Variants in ARHGEF4 observed in about 807,000 individuals in gnomAD.
The protein encoded by ARHGEF4 is Rho guanine nucleotide exchange factor 4.
In ARHGEF4, 119 loss-of-function variants were observed where a neutral mutation model predicts 162.0. The ratio of observed to expected loss-of-function variants is 0.73; its 90% CI spans 0.63 to 0.86. The LOEUF is 0.86. Ranked by LOEUF, ARHGEF4 falls within the 40% of genes least tolerant of loss-of-function variation. The pLI, the probability that ARHGEF4 is intolerant of heterozygous loss-of-function variation, is 0.00. For missense variants in ARHGEF4, 2,488 were observed against 2,456.0 expected (o/e 1.01, Z -0.28); for synonymous variants, 1,014 against 979.9 (o/e 1.03, Z -0.65).
At chr2:130,882,454 G>T (rs1386112274) in intron 1 of ARHGEF4, among the ~76,000 whole-genome samples, 1 of 152,074 alleles carries the variant, frequency 6.6e-6, no homozygotes, top group Non-Finnish European at 1.5e-5. Context: ...CACGTGGTGG[G>T]AGGGGTGAGT....
intron 1 of ARHGEF4, among the ~76,000 whole-genome samples, chr2:130,901,523 CT>C (rs113416794): frequency 0.15 from 22,066 of 144,136 alleles, 2,556 homozygotes; most frequent in African/African-American, 0.34. Flanking sequence ...AGCCCATATT[CT>C]TTTTTTTTTT....
chr2:130,866,096 C>T (rs1006026045), intron 1 of ARHGEF4, among the ~76,000 whole-genome samples: 1 of 152,084 alleles, frequency 6.6e-6, no homozygotes, highest in Admixed American at 6.6e-5. Context: ...TCTGGCTGGG[C>T]TCAGTTGCTC....
chr2:131,002,096 C>A (rs1687806625), intron 4 of ARHGEF4, among the ~76,000 whole-genome samples: 1 of 152,198 alleles, frequency 6.6e-6, no homozygotes, highest in Admixed American at 6.5e-5. Context: ...TACTGAGAAT[C>A]TACTGGCTGC....
In ARHGEF4 at chr2:130,917,823, C is replaced by CT. The variant is rs72157600; in HGVS notation, c.3552+342dup. 3.7e-3 allele frequency among the ~76,000 whole-genome samples: 391 copies of CT among 106,940 alleles called. 3 individuals are homozygous for CT. The highest frequency in any genetic ancestry group is 6.6e-3 in the South Asian group (22 of 3,322). 70.2% of individuals were successfully genotyped at this position (106,940 alleles called of 152,430 possible). On this transcript the variant is annotated intron_variant, in intron 2 of 13. Transcript: ENST00000409359. ...TCTTTTCTTTTCTTTTTCTTTTTTT[C>CT]TTTTTTTTTTTTTTTTTGAGACGGA...
At chr2:131,031,811 T>C (rs9646658) in intron 5 of ARHGEF4, among the ~76,000 whole-genome samples, 12,517 of 152,154 alleles carry the variant, frequency 0.082, 715 homozygotes, top group African/African-American at 0.17. Context: ...CCCCCTTGAC[T>C]CTCTTGGGCT....
intron 5 of ARHGEF4, chr2:131,035,369 C>T: frequency 3.0e-6 from 3 of 1,010,100 alleles, no homozygotes; most frequent in Non-Finnish European, 2.5e-6. Context: ...CCTCCTTCCA[C>T]CCCATGTGCT....
chr2:130,931,302 C>T (rs1273646250), intron 3 of ARHGEF4, 45 bp downstream of exon 3: 5 of 1,519,766 alleles, frequency 3.3e-6, no homozygotes, highest in Admixed American at 4.1e-5. Context: ...GTCTGGTATC[C>T]CCTTCTCTCT....
At chr2:130,899,303 A>G (rs560143030) in intron 1 of ARHGEF4, among the ~76,000 whole-genome samples, 12 of 152,342 alleles carry the variant, frequency 7.9e-5, no homozygotes, top group African/African-American at 2.6e-4. Flanking sequence ...TTCAAGGATC[A>G]TGGGGGAATG....
chr2:130,915,387 A>G lies in ARHGEF4; in HGVS notation c.1441A>G (p.Arg481Gly), dbSNP rs1481963180. 1 of 1,550,648 alleles carries G rather than the reference A, an allele frequency of 6.4e-7. No homozygotes were observed. The highest frequency in any genetic ancestry group is 2.0e-5 in the Admixed American group (1 of 51,004). ...QEPQGTQLAP[R>G]AADERETQKH... is the part of the protein sequence containing the mutation. ...ACCCCAAGGCACCCAACTCGCACCA[A>G]GAGCTGCTGATGAGAGAGAGACACA... is the stretch of plus-strand genomic sequence containing the variant. The change falls in exon 2 of 14, where the codon AGA becomes GGA. Residue 481 changes from arginine to glycine, a missense_variant. Physicochemically the swap from Arg to Gly is moderately radical, Grantham distance 125 (BLOSUM62 -2). Transcript: ENST00000409359.
chr2:130,918,882 CA>C (rs1392782026), intron 2 of ARHGEF4, among the ~76,000 whole-genome samples: 1 of 152,098 alleles, frequency 6.6e-6, no homozygotes, highest in East Asian at 1.9e-4. Flanking sequence ...AGTTTAAAAA[CA>C]AAGCCAAACA....
intron 1 of ARHGEF4, among the ~76,000 whole-genome samples, chr2:130,849,428 G>A (rs947769189): frequency 6.6e-6 from 1 of 152,096 alleles, no homozygotes; most frequent in Non-Finnish European, 1.5e-5. Context: ...CTGTGAGGTG[G>A]GATGGCAGCC....
chr2:130,891,131 G>A (rs1679840034), intron 1 of ARHGEF4, among the ~76,000 whole-genome samples: 1 of 152,154 alleles, frequency 6.6e-6, no homozygotes, highest in Admixed American at 6.5e-5. Flanking sequence ...ATGGAACTAA[G>A]ATTTAAGTCT....
intron 4 of ARHGEF4, among the ~76,000 whole-genome samples, chr2:130,968,381 C>G (rs1685137376): frequency 6.6e-6 from 1 of 152,188 alleles, no homozygotes; most frequent in South Asian, 2.1e-4. Context: ...GGAGGCTCTC[C>G]CTGAGGCCTA....
At chr2:130,971,475 T>A (rs1373452558) in intron 4 of ARHGEF4, among the ~76,000 whole-genome samples, 1 of 152,016 alleles carries the variant, frequency 6.6e-6, no homozygotes, top group Non-Finnish European at 1.5e-5. Flanking sequence ...CTGACCAACA[T>A]GGTGAAACCC....
At chr2:130,905,157 A>G (rs1039682593) in intron 1 of ARHGEF4, among the ~76,000 whole-genome samples, 3 of 152,160 alleles carry the variant, frequency 2.0e-5, no homozygotes, top group Admixed American at 1.3e-4. Flanking sequence ...ATGCTCTTTA[A>G]TTATAGAATA....
intron 4 of ARHGEF4, among the ~76,000 whole-genome samples, chr2:130,982,645 A>G (rs1006789895): frequency 7.4e-6 from 1 of 135,134 alleles, no homozygotes; most frequent in Non-Finnish European, 1.5e-5. Context: ...ATTTTACTGT[A>G]GGCCAAAAGA....
rs542829569 is a variant in ARHGEF4 at position 131,046,933 on chromosome 2, C to G, written c.*744C>G. On this transcript the variant is annotated 3_prime_UTR_variant, in exon 14 of 14. Coordinates refer to ENST00000409359, the MANE Select transcript of ARHGEF4 (RefSeq NM_001367493.1). ...CCTGGTTTTGTTTGGATTTTGGCATCTTGTTTTTCTAACAACAAACAATGG... is the reference window on the plus strand; with the variant it reads ...CCTGGTTTTGTTTGGATTTTGGCATGTTGTTTTTCTAACAACAAACAATGG... The G allele has an allele frequency of 1.5e-4, 23 of 152,796 alleles. No homozygotes were observed. The highest frequency in any genetic ancestry group is 5.5e-4 in the African/African-American group (23 of 41,576). 9.5% of individuals were successfully genotyped at this position (152,796 alleles called of 1,614,324 possible). A position where few individuals can be genotyped will look rare whatever the true frequency, so the allele number is the denominator to read the frequency against.
chr2:131,041,514 T>G, intron 9 of ARHGEF4, 52 bp downstream of exon 9: 1 of 1,544,566 alleles, frequency 6.5e-7, no homozygotes, highest in South Asian at 1.2e-5. Context: ...ATGCCTCCAG[T>G]CAGCCAGTTT....
rs145990538 is a variant in ARHGEF4 at position 130,840,869 on chromosome 2, G to A, written c.39+3877G>A. 2.3e-3 allele frequency among the ~76,000 whole-genome samples: 344 copies of A among 152,290 alleles called. 5 individuals are homozygous for A. The highest frequency in any genetic ancestry group is 7.9e-3 in the African/African-American group (329 of 41,550). On this transcript the variant is annotated intron_variant, in intron 1 of 13. Coordinates refer to ENST00000409359, the MANE Select transcript of ARHGEF4 (RefSeq NM_001367493.1). ...GTCCAGGAGGCTCTGGAAGATTCAC[G>A]GCATATACCTGTGCTGTTACGCAGG...
Sources: allele counts gnomAD v4.1 joint callset (sites outside exome capture counted in the v4.1 genomes callset), GRCh38; gene constraint gnomAD v4.1.1; transcripts MANE v1.5; gene names NCBI Gene and HGNC (gene_info 2026-07-23, HGNC 2026-07-21).